Variants in SLC12A7 observed in about 807,000 individuals in gnomAD.
The protein encoded by SLC12A7 is K-Cl cotransporter 4.
Under a neutral mutation model 120.6 loss-of-function variants are expected in SLC12A7, and 100 were observed. The observed-to-expected ratio is 0.83, with a 90% CI of 0.71 to 0.98. The LOEUF (loss-of-function observed/expected upper bound fraction) is 0.98, where lower values mean the gene tolerates loss of function less well. Ranked by LOEUF, SLC12A7 falls within the 50% of genes least tolerant of loss-of-function variation. The probability of loss-of-function intolerance (pLI) is 0.00; values close to 1 mark genes in which losing one functional copy is unlikely to be tolerated. For synonymous variants in SLC12A7, 760 were observed against 678.0 expected, an observed-to-expected ratio of 1.12 and a Z score of -1.88; for missense variants, 1,373 against 1,548.1, an observed-to-expected ratio of 0.89 and a Z score of 1.90.
the SLC12A7 span, among the ~76,000 whole-genome samples, chr5:1,135,774 A>C: frequency 6.6e-6 from 1 of 152,240 alleles, no homozygotes; most frequent in Non-Finnish European, 1.5e-5. Context: ...TGGTAAGGGC[A>C]GGAACACACC....
intron 1 of SLC12A7, among the ~76,000 whole-genome samples, chr5:1,108,464 G>A (rs1003257027): frequency 2.6e-5 from 4 of 152,234 alleles, no homozygotes; most frequent in African/African-American, 9.6e-5. Context: ...CCCAGCTGCT[G>A]CAGGGGCTCC....
intron 2 of SLC12A7, 119 bp from the exon 3 acceptor site, chr5:1,093,774 G>T: frequency 6.9e-7 from 1 of 1,454,098 alleles, no homozygotes; most frequent in Non-Finnish European, 9.3e-7. Context: ...CCCTGGGTCT[G>T]AAGCAAGCCA....
the SLC12A7 span, among the ~76,000 whole-genome samples, chr5:1,122,305 C>G: frequency 2.0e-5 from 3 of 152,172 alleles, no homozygotes; most frequent in Non-Finnish European, 4.4e-5. Flanking sequence ...GTGTCAGAAT[C>G]TCACCAGAAT....
At chr5:1,154,311 ACCCCTGTACCAATCCATG>A in the SLC12A7 span, among the ~76,000 whole-genome samples, 1 of 148,640 alleles carries the variant, frequency 6.7e-6, no homozygotes. Flanking sequence ...CTCCCACCAC[ACCCCTGTACCAATCCATG>A]CAGTCCTGGA....
Position 1,075,507 on chromosome 5 carries a change from T to G in SLC12A7, c.1848-17A>C, listed in dbSNP as rs1738233626. The G allele has an allele frequency of 2.5e-6, 4 of 1,606,074 alleles. No individual in the cohort carries two copies. The East Asian group carries it at 9.0e-5, about 36-fold the overall frequency. On this transcript the variant is annotated splice_polypyrimidine_tract_variant and intron_variant, in intron 14 of 23. Coordinates refer to ENST00000264930, the MANE Select transcript of SLC12A7 (RefSeq NM_006598.3). Reference sequence around the variant, plus strand: ...GACAGGGTCCTGGGGGCGGGGCAAGTGGCTCGGGGCGGCCCAACGCCATGC... The same window carrying G: ...GACAGGGTCCTGGGGGCGGGGCAAGGGGCTCGGGGCGGCCCAACGCCATGC...
intron 20 of SLC12A7, among the ~76,000 whole-genome samples, chr5:1,061,685 C>G (rs1336720716): frequency 6.6e-6 from 1 of 152,208 alleles, no homozygotes; most frequent in African/African-American, 2.4e-5. Flanking sequence ...TGCGGTGGCT[C>G]ACACCTGTCA....
At chr5:1,054,713 C>T (rs1446355625) in intron 22 of SLC12A7, among the ~76,000 whole-genome samples, 5 of 152,228 alleles carry the variant, frequency 3.3e-5, no homozygotes, top group South Asian at 2.1e-4. Flanking sequence ...GCCCCACGGA[C>T]GCTATCCAGG....
At chr5:1,085,624 G>T (rs1465427088) in intron 6 of SLC12A7, 151 bp from the exon 7 acceptor site, 3 of 1,185,676 alleles carry the variant, frequency 2.5e-6, no homozygotes, top group Non-Finnish European at 2.3e-6. Flanking sequence ...GCCCGCGGGG[G>T]TCAGCGCACA....
intron 16 of SLC12A7, among the ~76,000 whole-genome samples, 193 bp downstream of exon 16, chr5:1,074,374 C>A (rs528064839): frequency 6.6e-6 from 1 of 152,322 alleles, no homozygotes; most frequent in Non-Finnish European, 1.5e-5. Context: ...CCCACACCCC[C>A]ACCCTGCAGC....
chr5:1,112,393 C>G (rs1252915225), upstream of SLC12A7, among the ~76,000 whole-genome samples: 2 of 98,420 alleles, frequency 2.0e-5, no homozygotes, highest in East Asian at 3.8e-4. Context: ...CCCGACCCCC[C>G]ACTCCTGCTC....
chr5:1,051,973 A>G lies in SLC12A7; in HGVS notation c.*387T>C, dbSNP rs1008456980. 1 of 220,532 alleles carries G rather than the reference A, an allele frequency of 4.5e-6. No homozygotes were observed. Among genetic ancestry groups the G allele is most frequent in the Non-Finnish European group, 8.9e-6 (1 of 112,406 alleles). The allele number at this position is 220,532 out of a possible 1,614,324, so 13.7% of individuals were successfully genotyped here. A position where few individuals can be genotyped will look rare whatever the true frequency, so the allele number is the denominator to read the frequency against. ...TTCAGCTCCGGGTGCTCTTCCAAGA[A>G]TGTTCTGGATGGGGTAGAAATGCAA... On this transcript the variant is annotated 3_prime_UTR_variant, in exon 24 of 24. Coordinates refer to ENST00000264930, the MANE Select transcript of SLC12A7 (RefSeq NM_006598.3).
chr5:1,113,531 C>T (rs187692298), upstream of SLC12A7, among the ~76,000 whole-genome samples: 517 of 152,316 alleles, frequency 3.4e-3, 3 homozygotes, highest in African/African-American at 0.012. Flanking sequence ...AGCACCAGCC[C>T]TTGCAGAGGT....
At chr5:1,056,598 T>A in intron 22 of SLC12A7, 5 of 985,104 alleles carry the variant, frequency 5.1e-6, no homozygotes, top group Non-Finnish European at 6.0e-6. Flanking sequence ...CCCCATTCTC[T>A]ATGCAGGAGA....
the SLC12A7 span, among the ~76,000 whole-genome samples, chr5:1,140,804 G>A: frequency 6.6e-6 from 1 of 152,242 alleles, no homozygotes; most frequent in African/African-American, 2.4e-5. Flanking sequence ...GCACTGGCTG[G>A]GGAGGGATGT....
the SLC12A7 span, among the ~76,000 whole-genome samples, chr5:1,128,807 C>T: frequency 3.9e-5 from 6 of 152,242 alleles, no homozygotes; most frequent in Non-Finnish European, 7.3e-5. Flanking sequence ...TACACGGCTT[C>T]CAGCCTTTTC....
rs371943826 is a variant in SLC12A7 at position 1,083,794 on chromosome 5, G to T, written c.1080C>A (p.Asn360Lys). The change falls in exon 8 of 24, where the codon AAC (asparagine) becomes AAA (lysine). Residue 360 changes from asparagine to lysine, a missense_variant. Physicochemically the swap from Asn to Lys is moderately conservative, Grantham distance 94. Coordinates refer to ENST00000264930, the MANE Select transcript of SLC12A7 (RefSeq NM_006598.3). ...AACDEYFIQN[N>K]VTEIQGIPGA... ...CCGGGATGCCCTGGATTTCGGTGAC[G>T]TTGTTCTGGATGAAGTACTCGTCAC... 1 of 1,612,576 alleles carries T rather than the reference G, an allele frequency of 6.2e-7. No homozygotes were observed. Among genetic ancestry groups the T allele is most frequent in the Non-Finnish European group, 8.5e-7 (1 of 1,179,746 alleles).
At chr5:1,129,997 T>C in the SLC12A7 span, among the ~76,000 whole-genome samples, 3,138 of 152,294 alleles carry the variant, frequency 0.021, 109 homozygotes, top group African/African-American at 0.072. Context: ...CAGTCAAAGC[T>C]ACCTCTGCTT....
chr5:1,076,746 C>T lies in SLC12A7; in HGVS notation c.1696G>A (p.Glu566Lys), dbSNP rs780893601. 5.6e-6 allele frequency: 9 copies of T among 1,611,548 alleles called. No individual in the cohort carries two copies. The highest frequency in any genetic ancestry group is 2.7e-5 in the African/African-American group (2 of 74,888). Residue 566 changes from glutamate to lysine, a missense_variant, in exon 13 of 24, where the codon GAG becomes AAG. Physicochemically the swap from Glu to Lys is moderately conservative, Grantham distance 56. Coordinates refer to ENST00000264930, the MANE Select transcript of SLC12A7 (RefSeq NM_006598.3). ...WALLLTVLIC[E>K]TGILIASLDS... Reference sequence around the variant, plus strand: ...AGAGAGGCGATGAGGATGCCAGTCTCGCAGATGAGGACTGTCAGCAGCAGC... The same window carrying T: ...AGAGAGGCGATGAGGATGCCAGTCTTGCAGATGAGGACTGTCAGCAGCAGC...
At chr5:1,079,311 C>T (rs752250383) in intron 10 of SLC12A7, 87 bp downstream of exon 10, 370 of 1,032,572 alleles carry the variant, frequency 3.6e-4, no homozygotes, top group Non-Finnish European at 4.7e-4. Flanking sequence ...TGCTGGTGGC[C>T]GAGGGTATGA....
Sources: gnomAD v4.1 joint callset for allele counts (sites outside exome capture counted in the v4.1 genomes callset) on GRCh38, gnomAD v4.1.1 for gene constraint, MANE v1.5 for transcripts, NCBI Gene and HGNC (gene_info 2026-07-23, HGNC 2026-07-21) for gene names.